TMPRSS11F: variants seen among roughly 807,000 people sequenced by gnomAD.
TMPRSS11F encodes transmembrane protease serine 11F.
A neutral mutation model predicts 60.2 loss-of-function variants in TMPRSS11F; 47 were observed. The ratio of observed to expected loss-of-function variants is 0.78; its 90% confidence interval spans 0.62 to 1.00. The LOEUF is 1.00. TMPRSS11F is among the 50% of genes least tolerant of loss of function. The pLI is 0.00. For missense variants in TMPRSS11F, 519 were observed against 522.9 expected, an observed-to-expected ratio of 0.99 and a Z score of 0.07; for synonymous variants, 166 against 167.3, an observed-to-expected ratio of 0.99 and a Z score of 0.06.
chr4:68,113,561 G>T (rs1211449930), intron 1 of TMPRSS11F, among the ~76,000 whole-genome samples: 2 of 152,092 alleles, frequency 1.3e-5, no homozygotes, highest in East Asian at 1.9e-4. Flanking sequence ...TTATAAAAGG[G>T]TCAATTCATC....
chr4:68,078,991 C>A, intron 3 of TMPRSS11F, among the ~76,000 whole-genome samples: 1 of 150,578 alleles, frequency 6.6e-6, no homozygotes, highest in Non-Finnish European at 1.5e-5. Flanking sequence ...TATCAAGATT[C>A]AATTCAAACT....
At position 68,067,262 on chromosome 4, in the gene TMPRSS11F, A is replaced by T. The variant is rs527453060; in HGVS notation, c.755+1356T>A. On this transcript the variant is annotated intron_variant, in intron 7 of 9. Transcript: ENST00000356291. The stretch of plus-strand genomic sequence containing the variant: ...AGCAGTTTAAAAATTTACTGCATCT[A>T]ATCCTCCTTCCATTTTCTATTGAAT... Among the ~76,000 whole-genome samples, 4 of 152,314 alleles carry T rather than the reference A, an allele frequency of 2.6e-5. No homozygotes were observed. The East Asian group carries it at 7.7e-4, about 29-fold the overall frequency.
chr4:68,097,656 AT>A (rs1186793848), intron 2 of TMPRSS11F, among the ~76,000 whole-genome samples: 1 of 151,992 alleles, frequency 6.6e-6, no homozygotes, highest in Admixed American at 6.6e-5. Flanking sequence ...AACCTCTAAG[AT>A]TTTTTTAATG....
intron 1 of TMPRSS11F, among the ~76,000 whole-genome samples, chr4:68,107,851 C>T (rs574830109): frequency 4.6e-5 from 7 of 152,180 alleles, no homozygotes; most frequent in Middle Eastern, 3.4e-3. Context: ...GCAGGAGAAT[C>T]GCTTGAACCC....
chr4:68,085,636 TAA>T (rs1560401195), intron 3 of TMPRSS11F, among the ~76,000 whole-genome samples: 1 of 152,130 alleles, frequency 6.6e-6, no homozygotes, highest in Non-Finnish European at 1.5e-5. Context: ...GCAAGTTGGA[TAA>T]AAACACAAGA....
chr4:68,061,790 T>A (rs1178120757), intron 8 of TMPRSS11F: 1 of 441,428 alleles, frequency 2.3e-6, no homozygotes, highest in Admixed American at 2.4e-5. Flanking sequence ...CAACAGAAAG[T>A]TACGTAGTTC....
chr4:68,120,474 C>T (rs1350125463), intron 1 of TMPRSS11F, among the ~76,000 whole-genome samples: 4 of 149,126 alleles, frequency 2.7e-5, no homozygotes, highest in Admixed American at 6.7e-5. Flanking sequence ...CTGCAAGCTC[C>T]GCCTCCCGGG....
At chr4:68,059,773 G>T (rs1320967743) in intron 8 of TMPRSS11F, among the ~76,000 whole-genome samples, 1 of 152,092 alleles carries the variant, frequency 6.6e-6, no homozygotes, top group Non-Finnish European at 1.5e-5. Flanking sequence ...TTCTCATACA[G>T]GTTCATAACA....
At chr4:68,074,129 G>A in intron 3 of TMPRSS11F, 120 bp from the exon 4 acceptor site, 1 of 546,000 alleles carries the variant, frequency 1.8e-6, no homozygotes, top group Non-Finnish European at 3.0e-6. Flanking sequence ...TAGAGACTTG[G>A]GCAAAAAAAT....
chr4:68,095,426 C>T (rs1463460729), intron 2 of TMPRSS11F, among the ~76,000 whole-genome samples: 1 of 152,116 alleles, frequency 6.6e-6, no homozygotes, highest in Non-Finnish European at 1.5e-5. Flanking sequence ...AGATCCTCTA[C>T]ATCATTGTAG....
intron 1 of TMPRSS11F, among the ~76,000 whole-genome samples, chr4:68,128,808 G>A (rs1278535543): frequency 6.6e-6 from 1 of 152,036 alleles, no homozygotes; most frequent in East Asian, 1.9e-4. Context: ...GCTATATCAT[G>A]CTATCATGAT....
intron 1 of TMPRSS11F, among the ~76,000 whole-genome samples, chr4:68,116,229 GT>G (rs1035743043): frequency 6.6e-6 from 1 of 151,950 alleles, no homozygotes; most frequent in African/African-American, 2.4e-5. Flanking sequence ...AACAGTTTTT[GT>G]TTTTTTCCCA....
chr4:68,054,200 C>A, intron 9 of TMPRSS11F, 133 bp from the exon 10 acceptor site: 1 of 684,642 alleles, frequency 1.5e-6, no homozygotes, highest in South Asian at 2.5e-5. Context: ...TATAATGGGT[C>A]TCTCAACTGA....
intron 1 of TMPRSS11F, among the ~76,000 whole-genome samples, chr4:68,124,186 A>G (rs1055916429): frequency 1.5e-4 from 22 of 149,666 alleles, no homozygotes; most frequent in Non-Finnish European, 2.2e-4. Flanking sequence ...GCACCACTGC[A>G]CTCCAGCCTG....
At chr4:68,092,721 C>T (rs912033652) in intron 2 of TMPRSS11F, among the ~76,000 whole-genome samples, 3 of 151,448 alleles carry the variant, frequency 2.0e-5, no homozygotes, top group Admixed American at 1.3e-4. Context: ...AGTTTTATTA[C>T]AAAAAAAAGA....
At chr4:68,110,604 C>A (rs927482260) in intron 1 of TMPRSS11F, among the ~76,000 whole-genome samples, 1 of 152,136 alleles carries the variant, frequency 6.6e-6, no homozygotes, top group Non-Finnish European at 1.5e-5. Context: ...AGGCAAGATA[C>A]TGAACCTTTT....
chr4:68,127,934 A>G (rs1268290347), intron 1 of TMPRSS11F, among the ~76,000 whole-genome samples: 3 of 152,164 alleles, frequency 2.0e-5, no homozygotes, highest in Admixed American at 1.3e-4. Flanking sequence ...TTCAAGGCCC[A>G]TTAATGGTAA....
intron 1 of TMPRSS11F, 104 bp from the exon 2 acceptor site, chr4:68,099,142 A>G: frequency 1.1e-6 from 1 of 946,488 alleles, no homozygotes; most frequent in Non-Finnish European, 1.5e-6. Flanking sequence ...CTGCTAAATA[A>G]CAGTGAGCAA....
At chr4:68,066,020 G>A (rs2109837828) in intron 7 of TMPRSS11F, among the ~76,000 whole-genome samples, 1 of 151,780 alleles carries the variant, frequency 6.6e-6, no homozygotes, top group East Asian at 2.0e-4. Context: ...GGAAGCTGAG[G>A]CAGGAGAATC....
Sources: gnomAD v4.1 joint callset for allele counts (sites outside exome capture counted in the v4.1 genomes callset) on GRCh38, gnomAD v4.1.1 for gene constraint, MANE v1.5 for transcripts, NCBI Gene and HGNC (gene_info 2026-07-23, HGNC 2026-07-21) for gene names.